The following SCAMP3 variants were observed in gnomAD, a reference collection of about 807,000 sequenced individuals.
The protein encoded by SCAMP3 is secretory carrier-associated membrane protein 3.
A neutral mutation model predicts 44.1 loss-of-function variants in SCAMP3; 30 were observed. That is an observed-to-expected ratio of 0.68 (90% CI 0.51 to 0.92). SCAMP3 has a LOEUF of 0.92. Ranked by LOEUF, SCAMP3 falls within the 40% of genes least tolerant of loss-of-function variation. The pLI, the probability that SCAMP3 is intolerant of heterozygous loss-of-function variation, is 0.00. For missense variants in SCAMP3, 394 were observed against 440.0 expected, an observed-to-expected ratio of 0.90 and a Z score of 0.93; for synonymous variants, 168 against 171.1, an observed-to-expected ratio of 0.98 and a Z score of 0.14.
At chr1:155,258,640 G>A (rs1672869767) in intron 5 of SCAMP3, among the ~76,000 whole-genome samples, 186 bp downstream of exon 5, 1 of 152,012 alleles carries the variant, frequency 6.6e-6, no homozygotes, top group Non-Finnish European at 1.5e-5. Flanking sequence ...CCAGCCCAAA[G>A]ACATCTAAAG....
chr1:155,261,819 C>T, intron 1 of SCAMP3, 85 bp from the exon 2 acceptor site: 2 of 1,287,356 alleles, frequency 1.6e-6, no homozygotes, highest in Non-Finnish European at 2.2e-6. Context: ...GCCTGTGGCT[C>T]CAAGTACTGC....
chr1:155,260,013 G>A (rs1030604885), intron 4 of SCAMP3, among the ~76,000 whole-genome samples: 9 of 150,664 alleles, frequency 6.0e-5, no homozygotes, highest in Non-Finnish European at 1.2e-4. Context: ...GTGCAGTGGC[G>A]CTATCTCGGC....
rs367603799 is a variant in SCAMP3, at chr1:155,261,731, G to A, written c.70C>T (p.Pro24Ser). Residue 24 changes from proline (P) to serine (S), a missense_variant, in exon 2 of 9, where the codon CCA (proline) becomes TCA (serine). Transcript: ENST00000302631. ...CTGGGTCGGTGCTGGATCACAGCTG[G>A]GTCCTGAGGGCAGAGACCCGGGTCT... ...PSELDNPFQD[P>S]AVIQHRPSRQ... is the part of the protein sequence containing the mutation. 1.2e-5 allele frequency: 19 copies of A among 1,613,718 alleles called. No homozygotes were observed. The African/African-American group carries it at 2.5e-4, about 22-fold the overall frequency.
intron 2 of SCAMP3, among the ~76,000 whole-genome samples, chr1:155,260,951 G>A (rs1045589605): frequency 2.6e-5 from 4 of 151,396 alleles, no homozygotes; most frequent in African/African-American, 9.7e-5. Flanking sequence ...ATGGAGTGTG[G>A]GGTTGTCTCT....
At chr1:155,259,005 C>T (rs1035647954) in intron 4 of SCAMP3, 51 bp from the exon 5 acceptor site, 4 of 1,454,956 alleles carry the variant, frequency 2.7e-6, no homozygotes, top group African/African-American at 1.5e-5. Context: ...CAGAGACCAA[C>T]AAAGGAATCA....
chr1:155,262,156 G>T lies in SCAMP3; in HGVS notation c.-5C>A. 1 of 1,613,138 alleles carries T rather than the reference G, an allele frequency of 6.2e-7. No homozygotes were observed. Among genetic ancestry groups the T allele is most frequent in the Non-Finnish European group, 8.5e-7 (1 of 1,179,832 alleles). ...GCCGTCTCTGCTCTGAGCCATGTTT[G>T]CAACTGCGGCCTCCGCGGCCCTCTG... On this transcript the variant is annotated 5_prime_UTR_variant, in exon 1 of 9. Transcript: ENST00000302631.
rs1364413009 is a variant in SCAMP3 at position 155,256,167 on chromosome 1, C to T, written c.*106G>A. The T allele has an allele frequency of 2.5e-6, 3 of 1,190,726 alleles. No homozygotes were observed. The highest frequency in any genetic ancestry group is 2.4e-5 in the East Asian group (1 of 40,988). The allele number at this position is 1,190,726 out of a possible 1,614,324, so 73.8% of individuals were successfully genotyped here. ...CATGGCCATAGGATTGGGAGCACTA[C>T]GGAGGAGCCATCAGTTAGTGATGTC... On this transcript the variant is annotated 3_prime_UTR_variant, in exon 9 of 9. Coordinates refer to ENST00000302631, the MANE Select transcript of SCAMP3 (RefSeq NM_005698.4).
intron 4 of SCAMP3, 122 bp downstream of exon 4, chr1:155,260,205 ACCT>A (rs1319049613): frequency 8.5e-7 from 1 of 1,172,858 alleles, no homozygotes; most frequent in Non-Finnish European, 1.2e-6. Flanking sequence ...TGATCCGCCC[ACCT>A]CAGCCTCCCA....
At position 155,260,615 on chromosome 1, in the gene SCAMP3, TG is replaced by T; in HGVS notation, c.188del (p.Pro63HisfsTer38). ...AGGGCTGCAAGGAGGGAGCTGAGGG[TG>T]GAGGCAATGGGGCAGGGGCTGGAGG... ...YEPPAPAPLPPPSAPSLQPSR... is the reference protein window; with the variant it reads ...YEPPAPAPLPXPSAPSLQPSR... On this transcript the variant is annotated frameshift_variant, in exon 3 of 9. Coordinates refer to ENST00000302631, the MANE Select transcript of SCAMP3 (RefSeq NM_005698.4). LOFTEE classifies it high-confidence loss of function. 1 of 1,613,890 alleles carries T rather than the reference TG, an allele frequency of 6.2e-7. No individual in the cohort carries two copies. The highest frequency in any genetic ancestry group is 8.5e-7 in the Non-Finnish European group (1 of 1,179,930).
chr1:155,258,309 G>A (rs573124222), intron 5 of SCAMP3, among the ~76,000 whole-genome samples: 4 of 138,492 alleles, frequency 2.9e-5, no homozygotes, highest in East Asian at 4.2e-4. Context: ...GTGAGCCACC[G>A]TGCCCGGCCT....
chr1:155,256,450 C>T (rs778838770), intron 8 of SCAMP3, 31 bp from the exon 9 acceptor site: 2 of 1,554,596 alleles, frequency 1.3e-6, no homozygotes, highest in Non-Finnish European at 1.7e-6. Context: ...CATTACCGCC[C>T]ATTCCAGCCA....
chr1:155,256,404 G>A lies in SCAMP3; in HGVS notation c.913C>T (p.Arg305Cys), dbSNP rs764324101. The change falls in exon 9 of 9, where the codon CGC (arginine) becomes TGC (cysteine). Residue 305 changes from arginine (R) to cysteine (C), a missense_variant. Transcript: ENST00000302631. ...TTCTGAAAGCTGGCACCTGTGCGGC[G>A]GTATAAGGAGTGGATCTGCAAGTAG... ...VMLKRIHSLY[R>C]RTGASFQKAQ... 4.4e-6 allele frequency: 7 copies of A among 1,590,612 alleles called. No individual in the cohort carries two copies. The highest frequency in any genetic ancestry group is 1.4e-5 in the African/African-American group (1 of 74,062).
chr1:155,262,227 G>T lies in SCAMP3; in HGVS notation c.-76C>A. The T allele has an allele frequency of 7.3e-7, 1 of 1,378,174 alleles. No individual in the cohort carries two copies. Among genetic ancestry groups the T allele is most frequent in the Non-Finnish European group, 1.0e-6 (1 of 986,436 alleles). 85.4% of individuals were successfully genotyped at this position (1,378,174 alleles called of 1,614,324 possible). ...GCAGTGGCGGTAGCGGTAGCCCTCA[G>T]AGTCCACTTCACTCGCCTCAGTTCG... is the stretch of plus-strand genomic sequence containing the variant. On this transcript the variant is annotated 5_prime_UTR_variant, in exon 1 of 9. It adds an upstream start codon to the 5' untranslated region. Transcript: ENST00000302631.
intron 2 of SCAMP3, 22 bp from the exon 3 acceptor site, chr1:155,260,681 T>C (rs556017954): frequency 1.9e-6 from 3 of 1,590,070 alleles, no homozygotes; most frequent in East Asian, 2.2e-5. Flanking sequence ...AAGACCTTAG[T>C]GATCATCTAG....
At position 155,257,268 on chromosome 1, in the gene SCAMP3, A is replaced by G. The variant is rs1672827575; in HGVS notation, c.779+17T>C. Reference sequence around the variant, plus strand: ...GATCTAGAGGGAAAGGTGAGGGTGGATAACAGCCTCACAAACCTGAATCCC... The same window carrying G: ...GATCTAGAGGGAAAGGTGAGGGTGGGTAACAGCCTCACAAACCTGAATCCC... On this transcript the variant is annotated intron_variant, in intron 7 of 8. Transcript: ENST00000302631. 1 of 1,522,298 alleles carries G rather than the reference A, an allele frequency of 6.6e-7. No individual in the cohort carries two copies. Among genetic ancestry groups the G allele is most frequent in the Non-Finnish European group, 9.1e-7 (1 of 1,096,278 alleles). The allele number at this position is 1,522,298 out of a possible 1,614,324, so 94.3% of individuals were successfully genotyped here.
chr1:155,260,696 T>A (rs767071192), intron 2 of SCAMP3, 37 bp from the exon 3 acceptor site: 1 of 1,554,998 alleles, frequency 6.4e-7, no homozygotes. Flanking sequence ...ATCTAGTCCC[T>A]CATAACACAG....
chr1:155,257,690 T>C (rs751843847), intron 5 of SCAMP3, 33 bp from the exon 6 acceptor site: 1 of 1,545,478 alleles, frequency 6.5e-7, no homozygotes, highest in Non-Finnish European at 8.7e-7. Context: ...GAGGAGCCCT[T>C]CTGGACTGCA....
At chr1:155,257,412 G>A in intron 6 of SCAMP3, 26 bp from the exon 7 acceptor site, 4 of 1,607,962 alleles carry the variant, frequency 2.5e-6, no homozygotes, top group Non-Finnish European at 3.4e-6. Flanking sequence ...AAATGGGGAG[G>A]GTGGGAGAAG....
chr1:155,256,304 C>T lies in SCAMP3; in HGVS notation c.1013G>A (p.Gly338Glu). 1 of 1,594,680 alleles carries T rather than the reference C, an allele frequency of 6.3e-7. No homozygotes were observed. Among genetic ancestry groups the T allele is most frequent in the Non-Finnish European group, 8.6e-7 (1 of 1,166,280 alleles). ...GGCCCGGAAGGCATTTTCAGCAGCC[C>T]CAGCGGCTGCATTGGCAGCTGCGGT... ...VRTAAANAAAGAAENAFRAP is the reference protein window; with the variant it reads ...VRTAAANAAAEAAENAFRAP The change falls in exon 9 of 9, where the codon GGG becomes GAG. Residue 338 changes from glycine (G) to glutamate (E), a missense_variant. Physicochemically the swap from Gly to Glu is moderately conservative, Grantham distance 98. Transcript: ENST00000302631.
Sources: allele counts gnomAD v4.1 joint callset (sites outside exome capture counted in the v4.1 genomes callset), GRCh38; gene constraint gnomAD v4.1.1; transcripts MANE v1.5; gene names NCBI Gene and HGNC (gene_info 2026-07-23, HGNC 2026-07-21).